Variants in ADARB1 observed in about 807,000 individuals in gnomAD.
ADARB1 encodes the protein double-stranded RNA-specific editase 1.
Under a neutral mutation model 52.4 loss-of-function variants are expected in ADARB1, and 10 were observed. The observed-to-expected ratio is 0.19, with a 90% confidence interval of 0.12 to 0.32. ADARB1 has a LOEUF of 0.32. Among genes scored for constraint, ADARB1 ranks in the 10% least tolerant of loss-of-function variants. ADARB1 has a pLI of 1.00. For missense variants in ADARB1, 643 were observed against 922.3 expected, an observed-to-expected ratio of 0.70 and a Z score of 3.92; for synonymous variants, 349 against 371.1, an observed-to-expected ratio of 0.94 and a Z score of 0.68.
Position 45,176,069 on chromosome 21 carries a change from C to T in ADARB1, c.368C>T (p.Ser123Phe), listed in dbSNP as rs143261942. The change falls in exon 4 of 11, where the codon TCT becomes TTT. Residue 123 changes from serine to phenylalanine, a missense_variant. Physicochemically the swap from Ser to Phe is radical, Grantham distance 155. Coordinates refer to ENST00000348831, the MANE Select transcript of ADARB1 (RefSeq NM_001112.4). The surrounding 1 kb of genome is among the most constrained non-coding windows in gnomAD (Gnocchi z 5.8). The stretch of plus-strand genomic sequence containing the variant: ...GTGAATGGCCAGGTTTTTGAGGGCT[C>T]TGGTCCCACAAAGAAAAAGGCAAAA... ...VEVNGQVFEG[S>F]GPTKKKAKLH... The T allele has an allele frequency of 6.2e-7, 1 of 1,614,092 alleles. No homozygotes were observed. Among genetic ancestry groups the T allele is most frequent in the Non-Finnish European group, 8.5e-7 (1 of 1,180,022 alleles).
At chr21:45,159,230 G>A (rs1327204227) in intron 2 of ADARB1, among the ~76,000 whole-genome samples, 1 of 152,126 alleles carries the variant, frequency 6.6e-6, no homozygotes, top group African/African-American at 2.4e-5. Context: ...GTCTTATATG[G>A]CAGCCAGCAA....
intron 8 of ADARB1, 55 bp downstream of exon 8, chr21:45,185,146 C>T: frequency 1.9e-6 from 3 of 1,566,656 alleles, no homozygotes; most frequent in Non-Finnish European, 2.6e-6. Context: ...TTCATCCATA[C>T]TGTTTGCCAA....
rs2092948009 is a variant in ADARB1 at position 45,220,688 on chromosome 21, C to T, written c.1748-148C>T. On this transcript the variant is annotated intron_variant, in intron 9 of 10. Transcript: ENST00000348831. This position sits in a 1 kb window ranked among gnomAD's most constrained non-coding sequence, Gnocchi z 6.3. ...AGGCCACTGCCACGGCAGATGCACG[C>T]TCAAGTCTGCGTATATTCCTCGGCA... 1 of 810,622 alleles carries T rather than the reference C, an allele frequency of 1.2e-6. No individual in the cohort carries two copies. The highest frequency in any genetic ancestry group is 1.7e-5 in the African/African-American group (1 of 58,290). The allele number at this position is 810,622 out of a possible 1,614,324, so 50.2% of individuals were successfully genotyped here.
At chr21:45,164,003 T>A (rs546281723) in intron 2 of ADARB1, among the ~76,000 whole-genome samples, 1 of 152,282 alleles carries the variant, frequency 6.6e-6, no homozygotes, top group African/African-American at 2.4e-5. Flanking sequence ...TAGTGTACAT[T>A]TGAACACTTG....
intron 5 of ADARB1, among the ~76,000 whole-genome samples, chr21:45,181,285 G>A (rs2091923553): frequency 6.6e-6 from 1 of 152,170 alleles, no homozygotes; most frequent in Non-Finnish European, 1.5e-5. Context: ...ATCAGACTCT[G>A]CAGCCCTCTT....
intron 1 of ADARB1, among the ~76,000 whole-genome samples, chr21:45,077,746 A>G (rs1405064976): frequency 6.6e-6 from 1 of 152,128 alleles, no homozygotes; most frequent in African/African-American, 2.4e-5. Flanking sequence ...TAAATCTGTA[A>G]TTTGGTGTGA....
chr21:45,142,252 G>T lies in ADARB1; in HGVS notation c.-48+13679G>T, dbSNP rs180955288. Among the ~76,000 whole-genome samples, 211 of 152,178 alleles carry T rather than the reference G, an allele frequency of 1.4e-3. No individual in the cohort carries two copies. The highest frequency in any genetic ancestry group is 4.6e-3 in the African/African-American group (189 of 41,526). ...CTGCCTTCTTTTTGTTTTTCAAATC[G>T]AACACCCGCTATACTCATTTGAGAA... On this transcript the variant is annotated intron_variant, in intron 2 of 10. Coordinates refer to ENST00000348831, the MANE Select transcript of ADARB1 (RefSeq NM_001112.4). The surrounding 1 kb of genome is among the most constrained non-coding windows in gnomAD (Gnocchi z 4.0).
chr21:45,183,602 C>A, intron 7 of ADARB1, 92 bp downstream of exon 7: 1 of 1,437,794 alleles, frequency 7.0e-7, no homozygotes, highest in South Asian at 1.4e-5. Flanking sequence ...TCCTTTTTTT[C>A]TTTTTATTTT....
chr21:45,111,724 G>T (rs2087544331), intron 1 of ADARB1, among the ~76,000 whole-genome samples: 1 of 152,194 alleles, frequency 6.6e-6, no homozygotes, highest in Non-Finnish European at 1.5e-5. Flanking sequence ...TTTTACTGCT[G>T]TACATAGTAC....
chr21:45,204,055 G>A lies in ADARB1; in HGVS notation c.1566-500G>A, dbSNP rs1217850375. On this transcript the variant is annotated intron_variant, in intron 8 of 10. Coordinates refer to ENST00000348831, the MANE Select transcript of ADARB1 (RefSeq NM_001112.4). The surrounding 1 kb of genome is among the most constrained non-coding windows in gnomAD (Gnocchi z 4.4). ...CAAGGCGACTGCTAATGGGCCAGCGGCATCTGCAACGTGGATGGTTCACAT... is the reference window on the plus strand; with the variant it reads ...CAAGGCGACTGCTAATGGGCCAGCGACATCTGCAACGTGGATGGTTCACAT... Among the ~76,000 whole-genome samples, 1 of 152,194 alleles carries A rather than the reference G, an allele frequency of 6.6e-6. No individual in the cohort carries two copies. The highest frequency in any genetic ancestry group is 1.5e-5 in the Non-Finnish European group (1 of 68,030).
intron 1 of ADARB1, among the ~76,000 whole-genome samples, chr21:45,084,676 C>A (rs1690907881): frequency 6.6e-6 from 1 of 152,198 alleles, no homozygotes; most frequent in African/African-American, 2.4e-5. Context: ...TTAACCCTCA[C>A]TTCTAAAATT....
chr21:45,221,773 A>C lies in ADARB1; in HGVS notation c.1927-245A>C, dbSNP rs2092968754. ...TGGTTTCCCAGAAGCATGTCTTCAG[A>C]ACTCGGGGGTCTGTAGCTGCCTGTT... On this transcript the variant is annotated intron_variant, in intron 10 of 10. Transcript: ENST00000348831. This position sits in a 1 kb window ranked among gnomAD's most constrained non-coding sequence, Gnocchi z 4.9. Among the ~76,000 whole-genome samples the C allele has an allele frequency of 6.6e-6, 1 of 152,222 alleles. No individual in the cohort carries two copies. Among genetic ancestry groups the C allele is most frequent in the African/African-American group, 2.4e-5 (1 of 41,458 alleles).
At chr21:45,127,725 C>T (rs1048820608) in intron 1 of ADARB1, among the ~76,000 whole-genome samples, 1 of 152,296 alleles carries the variant, frequency 6.6e-6, no homozygotes, top group Admixed American at 6.5e-5. Flanking sequence ...ACACACCTCC[C>T]AGAGACTTCT....
intron 3 of ADARB1, among the ~76,000 whole-genome samples, chr21:45,173,270 G>A (rs1463289163): frequency 6.6e-6 from 1 of 152,166 alleles, no homozygotes; most frequent in Non-Finnish European, 1.5e-5. Flanking sequence ...GCAATGCAAA[G>A]CCCTGTCATG....
At chr21:45,124,202 G>A (rs2088408125) in intron 1 of ADARB1, among the ~76,000 whole-genome samples, 1 of 152,170 alleles carries the variant, frequency 6.6e-6, no homozygotes, top group Admixed American at 6.5e-5. Flanking sequence ...CACTGTATTT[G>A]TAAGATTGAC....
intron 1 of ADARB1, among the ~76,000 whole-genome samples, chr21:45,126,110 C>T (rs1379103636): frequency 6.6e-6 from 1 of 152,204 alleles, no homozygotes; most frequent in Non-Finnish European, 1.5e-5. Context: ...AACTCTCAGA[C>T]ATATGGGACT....
intron 8 of ADARB1, among the ~76,000 whole-genome samples, chr21:45,197,598 A>G (rs1483081596): frequency 6.6e-6 from 1 of 152,088 alleles, no homozygotes; most frequent in Non-Finnish European, 1.5e-5. Context: ...ATGTCCACGC[A>G]GACTTGTAAA....
At chr21:45,156,072 T>TCCATC (rs1442767511) in intron 2 of ADARB1, among the ~76,000 whole-genome samples, 1 of 49,760 alleles carries the variant, frequency 2.0e-5, no homozygotes, top group African/African-American at 7.9e-5. Context: ...CATCATCCAT[T>TCCATC]CATCCATCCA....
intron 1 of ADARB1, among the ~76,000 whole-genome samples, chr21:45,121,908 G>C (rs1271735219): frequency 6.6e-6 from 1 of 152,042 alleles, no homozygotes; most frequent in Admixed American, 6.6e-5. Flanking sequence ...CCCTCCTCTC[G>C]GGCCATCAAC....
Sources: allele counts gnomAD v4.1 joint callset (sites outside exome capture counted in the v4.1 genomes callset), GRCh38; gene constraint gnomAD v4.1.1; non-coding constraint Gnocchi (gnomAD v3.1); transcripts MANE v1.5; gene names NCBI Gene and HGNC (gene_info 2026-07-23, HGNC 2026-07-21).